The following MREG variants were observed in gnomAD, a reference collection of about 807,000 sequenced individuals.
The protein encoded by MREG is melanoregulin.
In MREG, 31 loss-of-function variants were observed where a neutral mutation model predicts 28.5. The observed-to-expected ratio is 1.09, with a 90% CI of 0.82 to 1.47. MREG has a LOEUF of 1.47. MREG is among the 40% of genes most tolerant of loss of function. MREG has a pLI of 0.00. For missense variants in MREG, 256 were observed against 257.4 expected, an observed-to-expected ratio of 0.99 and a Z score of 0.04; for synonymous variants, 106 against 95.2, an observed-to-expected ratio of 1.11 and a Z score of -0.66.
At chr2:215,950,493 C>T (rs1002202514) in intron 2 of MREG, among the ~76,000 whole-genome samples, 1 of 152,172 alleles carries the variant, frequency 6.6e-6, no homozygotes, top group Non-Finnish European at 1.5e-5. Flanking sequence ...ATAGTTGATG[C>T]ATCTTTGGAT....
At chr2:215,994,258 T>A (rs1693799277) in intron 2 of MREG, among the ~76,000 whole-genome samples, 1 of 151,906 alleles carries the variant, frequency 6.6e-6, no homozygotes, top group Non-Finnish European at 1.5e-5. Flanking sequence ...TCATGTCCTT[T>A]GCAGGGACAT....
intron 2 of MREG, among the ~76,000 whole-genome samples, chr2:215,971,387 CAT>C (rs1213816971): frequency 1.3e-5 from 2 of 152,212 alleles, no homozygotes; most frequent in African/African-American, 4.8e-5. Context: ...CATTCTGACA[CAT>C]GTCAGCATTT....
chr2:215,952,037 GC>G (rs1259873526), intron 2 of MREG, among the ~76,000 whole-genome samples: 2 of 152,104 alleles, frequency 1.3e-5, no homozygotes, highest in Non-Finnish European at 2.9e-5. Flanking sequence ...TCTGCGCTTG[GC>G]TTATTGCACT....
intron 2 of MREG, among the ~76,000 whole-genome samples, chr2:215,954,445 A>AACAAACACACACACACAC (rs1553547417): frequency 0.015 from 2,000 of 136,544 alleles, 35 homozygotes; most frequent in African/African-American, 0.022. Flanking sequence ...ATCTGTGTAC[A>AACAAACACACACACACAC]ACACACACAC....
downstream of MREG, among the ~76,000 whole-genome samples, chr2:215,940,932 G>T (rs1231490192): frequency 6.6e-6 from 1 of 152,114 alleles, no homozygotes; most frequent in Admixed American, 6.5e-5. Flanking sequence ...GATGGGTGGG[G>T]GAAGAAAACA....
intron 1 of MREG, among the ~76,000 whole-genome samples, chr2:216,030,954 TCTCACA>T (rs1160192812): frequency 1.4e-4 from 15 of 109,494 alleles, no homozygotes; most frequent in African/African-American, 5.5e-4. Flanking sequence ...TCTCTCTCTC[TCTCACA>T]CACACACACA....
At chr2:215,961,682 C>T (rs1300207601) in intron 2 of MREG, among the ~76,000 whole-genome samples, 1 of 152,174 alleles carries the variant, frequency 6.6e-6, no homozygotes, top group Non-Finnish European at 1.5e-5. Context: ...CTGCCTCAGC[C>T]TCCCAAAGTG....
At position 215,944,941 on chromosome 2, in the gene MREG, A is replaced by G. The variant is rs1692281863; in HGVS notation, c.567T>C (p.Thr189=). ...ATGGAACCCCAGGCTTCTTGGGGTAAGTTCGACGAGCAAGCTTAAAGAACT... is the reference window on the plus strand; with the variant it reads ...ATGGAACCCCAGGCTTCTTGGGGTAGGTTCGACGAGCAAGCTTAAAGAACT... ...AEEFFKLARR[T]YPKKPGVPCL... is the part of the protein sequence containing the mutation. Residue 189 remains threonine, a synonymous_variant, in exon 5 of 5, where the codon ACT becomes ACC. Coordinates refer to ENST00000263268, the MANE Select transcript of MREG (RefSeq NM_018000.3). 6.2e-7 allele frequency: 1 copy of G among 1,608,266 alleles called. No individual in the cohort carries two copies.
chr2:215,996,495 T>C (rs1264992313), intron 1 of MREG, 30 bp from the exon 2 acceptor site: 2 of 1,553,334 alleles, frequency 1.3e-6, no homozygotes, highest in Admixed American at 1.8e-5. Context: ...AAGATTGGGG[T>C]TTTATAATAT....
At chr2:216,006,356 A>G (rs1694154195) in intron 1 of MREG, among the ~76,000 whole-genome samples, 1 of 152,224 alleles carries the variant, frequency 6.6e-6, no homozygotes, top group Non-Finnish European at 1.5e-5. Flanking sequence ...CTGGGACAGC[A>G]CTCATGCACC....
chr2:216,008,040 T>C (rs573823031), intron 1 of MREG, among the ~76,000 whole-genome samples: 1 of 152,192 alleles, frequency 6.6e-6, no homozygotes, highest in Non-Finnish European at 1.5e-5. Context: ...CAGTATTCAC[T>C]AATTCAGTGT....
At position 216,023,589 on chromosome 2, in the gene MREG, G is replaced by A. The variant is rs150914483; in HGVS notation, c.-68+9200C>T. Among the ~76,000 whole-genome samples the A allele has an allele frequency of 4.7e-3, 710 of 152,152 alleles. 2 individuals carry two copies. The highest frequency in any genetic ancestry group is 7.1e-3 in the Non-Finnish European group (480 of 68,012). On this transcript the variant is annotated intron_variant, in intron 1 of 3. Transcript: ENST00000420348. ...CCTGAAAACCATGGAAAGTGTATAG[G>A]CCACTAGATATATTTCTTAAATAAT...
upstream of MREG, among the ~76,000 whole-genome samples, chr2:216,014,584 G>T (rs1254295764): frequency 6.6e-6 from 1 of 151,830 alleles, no homozygotes; most frequent in Non-Finnish European, 1.5e-5. Flanking sequence ...GAGAGGCGGA[G>T]GTTGCAGTGA....
upstream of MREG, among the ~76,000 whole-genome samples, chr2:216,033,348 C>T (rs746481362): frequency 2.0e-4 from 30 of 152,072 alleles, no homozygotes; most frequent in Middle Eastern, 3.2e-3. Context: ...AGTAATTTTG[C>T]ATACAAATTC....
At chr2:215,958,118 A>AG (rs1692678460) in intron 2 of MREG, among the ~76,000 whole-genome samples, 1 of 113,366 alleles carries the variant, frequency 8.8e-6, no homozygotes, top group African/African-American at 3.3e-5. Flanking sequence ...GGGTGGAGGG[A>AG]GGGGGGAGGG....
intron 2 of MREG, among the ~76,000 whole-genome samples, chr2:215,961,195 A>G (rs1041449045): frequency 1.3e-5 from 2 of 152,252 alleles, no homozygotes; most frequent in African/African-American, 4.8e-5. Context: ...GGGGCCGTCA[A>G]TAACTCCCAA....
At chr2:215,952,736 C>T (rs983854521) in intron 2 of MREG, among the ~76,000 whole-genome samples, 1 of 151,818 alleles carries the variant, frequency 6.6e-6, no homozygotes, top group African/African-American at 2.4e-5. Flanking sequence ...CAGAAAGATA[C>T]AAAATGAAAA....
At position 215,943,191 on chromosome 2, in the gene MREG, T is replaced by G. The variant is rs13553; in HGVS notation, c.*1672A>C. On this transcript the variant is annotated 3_prime_UTR_variant, in exon 5 of 5. Transcript: ENST00000263268. ...CTGTAAAAATAAAAATATTTCCATT[T>G]TTCTCAGCAATCTATGGATTAACCT... is the stretch of plus-strand genomic sequence containing the variant. The G allele has an allele frequency of 0.52, 131,955 of 255,986 alleles. 34,754 individuals are homozygous for G. The highest frequency in any genetic ancestry group is 0.58 in the Middle Eastern group (388 of 672). 15.9% of individuals were successfully genotyped at this position (255,986 alleles called of 1,614,324 possible). A position where few individuals can be genotyped will look rare whatever the true frequency, so the allele number is the denominator to read the frequency against.
chr2:215,961,577 C>G (rs985677123), intron 2 of MREG, among the ~76,000 whole-genome samples: 1 of 152,138 alleles, frequency 6.6e-6, no homozygotes, highest in Non-Finnish European at 1.5e-5. Flanking sequence ...AGGTGCCCAC[C>G]ACCATGCCCG....
Sources: gnomAD v4.1 joint callset for allele counts (sites outside exome capture counted in the v4.1 genomes callset) on GRCh38, gnomAD v4.1.1 for gene constraint, MANE v1.5 for transcripts, NCBI Gene and HGNC (gene_info 2026-07-23, HGNC 2026-07-21) for gene names.